The following VPS13B variants were observed in gnomAD, a reference collection of about 807,000 sequenced individuals.
The protein encoded by VPS13B is vacuolar protein sorting 13 homolog B, also known as intermembrane lipid transfer protein VPS13B.
A neutral mutation model predicts 426.4 loss-of-function variants in VPS13B; 285 were observed. That is an observed-to-expected ratio of 0.67 (90% CI 0.61 to 0.74). The LOEUF is 0.74. Among genes scored for constraint, VPS13B ranks in the 30% least tolerant of loss-of-function variants. VPS13B has a pLI of 0.00. For missense variants in VPS13B, 4,537 were observed against 4,782.6 expected, an observed-to-expected ratio of 0.95 and a Z score of 1.51; for synonymous variants, 1,676 against 1,676.4, an observed-to-expected ratio of 1.00 and a Z score of 0.01.
chr8:99,116,830 G>A (rs1847684135), intron 7 of VPS13B, among the ~76,000 whole-genome samples: 1 of 152,168 alleles, frequency 6.6e-6, no homozygotes, highest in South Asian at 2.1e-4. Context: ...CACTTAAGTT[G>A]AATTGAGTTA....
intron 39 of VPS13B, among the ~76,000 whole-genome samples, chr8:99,765,589 T>C (rs1371396248): frequency 6.6e-6 from 1 of 152,242 alleles, no homozygotes; most frequent in African/African-American, 2.4e-5. Context: ...CATGTTTTCA[T>C]TGGTTCCCCT....
At position 99,295,577 on chromosome 8, in the gene VPS13B, C is replaced by G. The variant is rs1044053533; in HGVS notation, c.2824+20323C>G. 2.6e-5 allele frequency among the ~76,000 whole-genome samples: 4 copies of G among 152,260 alleles called. No homozygotes were observed. In the South Asian group the frequency reaches 6.2e-4, roughly 24 times the overall value. On this transcript the variant is annotated intron_variant, in intron 19 of 61. Transcript: ENST00000357162. Reference sequence around the variant, plus strand: ...TGGACTACCTTAAATATTCTCAGAACACTTACATTGGCCTTCAGTTGGGCA... The same window carrying G: ...TGGACTACCTTAAATATTCTCAGAAGACTTACATTGGCCTTCAGTTGGGCA...
intron 19 of VPS13B, among the ~76,000 whole-genome samples, chr8:99,289,045 A>ATGAATGAG (rs1176789416): frequency 1.3e-5 from 2 of 150,932 alleles, no homozygotes; most frequent in Non-Finnish European, 3.0e-5. Context: ...GAATGAATGA[A>ATGAATGAG]TGAATGAATG....
intron 3 of VPS13B, among the ~76,000 whole-genome samples, chr8:99,060,402 A>G (rs1844117842): frequency 6.6e-6 from 1 of 152,128 alleles, no homozygotes; most frequent in African/African-American, 2.4e-5. Context: ...TGAGGTTAGG[A>G]GTTCGAGACC....
intron 43 of VPS13B, among the ~76,000 whole-genome samples, chr8:99,790,266 C>T (rs77078473): frequency 0.038 from 5,714 of 152,232 alleles, 153 homozygotes; most frequent in Middle Eastern, 0.12. Context: ...CCATCACATG[C>T]TACACCATGA....
intron 22 of VPS13B, among the ~76,000 whole-genome samples, chr8:99,440,584 T>C (rs1459942229): frequency 6.6e-6 from 1 of 152,146 alleles, no homozygotes; most frequent in Non-Finnish European, 1.5e-5. Flanking sequence ...ATTCTTATCA[T>C]TAAAGGAACT....
chr8:99,491,734 A>G (rs1041696693), intron 25 of VPS13B, among the ~76,000 whole-genome samples: 1 of 152,078 alleles, frequency 6.6e-6, no homozygotes, highest in African/African-American at 2.4e-5. Context: ...GGTCTTGTCT[A>G]CACTGTTTAT....
intron 14 of VPS13B, among the ~76,000 whole-genome samples, chr8:99,148,337 C>T (rs528398242): frequency 5.4e-5 from 8 of 148,312 alleles, no homozygotes; most frequent in Middle Eastern, 3.5e-3. Flanking sequence ...ACACTTCAGC[C>T]TGGGTGTCAC....
intron 23 of VPS13B, among the ~76,000 whole-genome samples, chr8:99,464,359 C>T (rs1034413274): frequency 6.6e-6 from 1 of 152,102 alleles, no homozygotes; most frequent in African/African-American, 2.4e-5. Context: ...TCAAACTGGC[C>T]TCAAGTACAT....
At chr8:99,610,243 A>T (rs12546122) in intron 33 of VPS13B, among the ~76,000 whole-genome samples, 20,867 of 152,144 alleles carry the variant, frequency 0.14, 1,988 homozygotes, top group East Asian at 0.39. Flanking sequence ...TTACTGGGCA[A>T]ATACCCAAAG....
chr8:99,488,871 G>A (rs1016549050), intron 25 of VPS13B, among the ~76,000 whole-genome samples: 1 of 152,160 alleles, frequency 6.6e-6, no homozygotes, highest in Non-Finnish European at 1.5e-5. Context: ...TTGCTGTGCA[G>A]AAGATCTTTA....
chr8:99,088,923 A>G (rs1845991057), intron 3 of VPS13B, among the ~76,000 whole-genome samples: 1 of 152,074 alleles, frequency 6.6e-6, no homozygotes, highest in Non-Finnish European at 1.5e-5. Flanking sequence ...CTGCAGGTAC[A>G]GTCTTTTCAA....
intron 3 of VPS13B, among the ~76,000 whole-genome samples, chr8:99,079,891 C>T (rs2132363482): frequency 6.6e-6 from 1 of 150,796 alleles, no homozygotes; most frequent in Admixed American, 6.6e-5. Context: ...CGCCCCTGTG[C>T]TCCATCCTGG....
intron 23 of VPS13B, among the ~76,000 whole-genome samples, chr8:99,445,685 G>A (rs1324995930): frequency 6.6e-6 from 1 of 151,512 alleles, no homozygotes; most frequent in Non-Finnish European, 1.5e-5. Context: ...ATATTAAGAT[G>A]CATATTTAAT....
At chr8:99,526,783 T>C (rs1383444877) in intron 30 of VPS13B, among the ~76,000 whole-genome samples, 1 of 152,160 alleles carries the variant, frequency 6.6e-6, no homozygotes, top group Non-Finnish European at 1.5e-5. Context: ...GGGGTAATGA[T>C]TTATGTCAAA....
intron 19 of VPS13B, among the ~76,000 whole-genome samples, chr8:99,333,843 G>A (rs964476283): frequency 2.0e-5 from 3 of 151,974 alleles, no homozygotes; most frequent in Non-Finnish European, 4.4e-5. Context: ...GTATGTATCA[G>A]TGTCTAGTGT....
chr8:99,262,442 T>A (rs183077750), intron 17 of VPS13B, among the ~76,000 whole-genome samples: 83 of 152,318 alleles, frequency 5.4e-4, no homozygotes, highest in Middle Eastern at 3.4e-3. Flanking sequence ...CTATTGAATC[T>A]TAGAACTAAC....
chr8:99,088,587 T>C (rs1845972246), intron 3 of VPS13B, among the ~76,000 whole-genome samples: 1 of 152,220 alleles, frequency 6.6e-6, no homozygotes, highest in Admixed American at 6.5e-5. Flanking sequence ...TTCTCAGTGC[T>C]ACTTCCCTCA....
At chr8:99,651,046 T>G (rs1033747936) in intron 34 of VPS13B, among the ~76,000 whole-genome samples, 12 of 152,162 alleles carry the variant, frequency 7.9e-5, no homozygotes, top group African/African-American at 2.9e-4. Flanking sequence ...CAGGTCATTT[T>G]ATATCAGGGA....
Sources: allele counts gnomAD v4.1 joint callset (sites outside exome capture counted in the v4.1 genomes callset), GRCh38; gene constraint gnomAD v4.1.1; transcripts MANE v1.5; gene names NCBI Gene and HGNC (gene_info 2026-07-23, HGNC 2026-07-21).